NPTN: variants seen among roughly 807,000 people sequenced by gnomAD.
NPTN encodes the protein neuroplastin.
In NPTN, 5 loss-of-function variants were observed where a neutral mutation model predicts 42.7. That is an observed-to-expected ratio of 0.12 (90% CI 0.06 to 0.25). The LOEUF (loss-of-function observed/expected upper bound fraction) is 0.25. NPTN is among the 10% of genes least tolerant of loss of function. NPTN has a pLI of 1.00. For missense variants in NPTN, 307 were observed against 525.4 expected, an observed-to-expected ratio of 0.58 and a Z score of 4.06; for synonymous variants, 180 against 201.9, an observed-to-expected ratio of 0.89 and a Z score of 0.92.
At chr15:73,580,410 AATATATATATAAT>A (rs1465212128) in intron 4 of NPTN, among the ~76,000 whole-genome samples, 2 of 100,770 alleles carry the variant, frequency 2.0e-5, no homozygotes, top group African/African-American at 8.9e-5. Flanking sequence ...TTATATATAT[AATATATATATAAT>A]ATATATATAA....
chr15:73,590,724 T>C (rs1188340926), intron 3 of NPTN, among the ~76,000 whole-genome samples: 3 of 152,070 alleles, frequency 2.0e-5, no homozygotes, highest in Non-Finnish European at 4.4e-5. Context: ...ACTGTACTAC[T>C]GCACTCCAGC....
chr15:73,566,620 T>C (rs866262395), intron 6 of NPTN, among the ~76,000 whole-genome samples: 6 of 152,200 alleles, frequency 3.9e-5, no homozygotes, highest in African/African-American at 1.4e-4. Context: ...GAGCACAGGC[T>C]GACTGCTCCT....
At chr15:73,585,646 T>G (rs1896281628) in intron 4 of NPTN, among the ~76,000 whole-genome samples, 1 of 152,208 alleles carries the variant, frequency 6.6e-6, no homozygotes, top group Admixed American at 6.5e-5. Flanking sequence ...TAGAATTCTT[T>G]TACAAATTTT....
chr15:73,574,011 C>T (rs960048529), intron 4 of NPTN, among the ~76,000 whole-genome samples: 2 of 152,208 alleles, frequency 1.3e-5, no homozygotes, highest in African/African-American at 4.8e-5. Context: ...AGGCAGATAC[C>T]AGGGTTACTA....
intron 1 of NPTN, among the ~76,000 whole-genome samples, chr15:73,616,532 A>G (rs1205797047): frequency 6.6e-6 from 1 of 152,176 alleles, no homozygotes; most frequent in Non-Finnish European, 1.5e-5. Flanking sequence ...CTGTTCACTA[A>G]TGCTCTATCC....
At chr15:73,567,231 T>C in intron 6 of NPTN, 1 of 985,318 alleles carries the variant, frequency 1.0e-6, no homozygotes, top group Non-Finnish European at 1.2e-6. Context: ...TGTGCATTCA[T>C]ATAAAAAAAG....
chr15:73,633,095 C>T, intron 1 of NPTN, 30 bp downstream of exon 1: 2 of 1,398,174 alleles, frequency 1.4e-6, no homozygotes, highest in Non-Finnish European at 1.9e-6. Flanking sequence ...CCTCAACCCC[C>T]GCCCGGCCCG....
At chr15:73,588,314 C>T (rs1423124134) in intron 3 of NPTN, among the ~76,000 whole-genome samples, 1 of 152,180 alleles carries the variant, frequency 6.6e-6, no homozygotes, top group East Asian at 1.9e-4. Flanking sequence ...ACAAAAAGCA[C>T]AAGCTTTCTG....
At chr15:73,618,496 C>A (rs1372124328) in intron 1 of NPTN, among the ~76,000 whole-genome samples, 2 of 151,988 alleles carry the variant, frequency 1.3e-5, no homozygotes, top group Non-Finnish European at 2.9e-5. Flanking sequence ...TATCTAGAAA[C>A]AACTGAAGAT....
Position 73,573,645 on chromosome 15 carries a change from G to A in NPTN, c.840+17C>T. 1 of 1,548,762 alleles carries A rather than the reference G, an allele frequency of 6.5e-7. No homozygotes were observed. The highest frequency in any genetic ancestry group is 8.7e-7 in the Non-Finnish European group (1 of 1,151,572). Reference sequence around the variant, plus strand: ...AAAACTCCAGCAACCAGAGACCCGGGCCTGCCTCCTACTCACCATGGGCAT... The same window carrying A: ...AAAACTCCAGCAACCAGAGACCCGGACCTGCCTCCTACTCACCATGGGCAT... On this transcript the variant is annotated intron_variant, in intron 5 of 8. Transcript: ENST00000345330.
chr15:73,628,511 T>C (rs1355660093), intron 1 of NPTN, among the ~76,000 whole-genome samples: 2 of 152,236 alleles, frequency 1.3e-5, no homozygotes, highest in African/African-American at 4.8e-5. Flanking sequence ...TCTTGTATGG[T>C]ATCCAACATG....
At chr15:73,596,899 A>T (rs1896859391) in intron 2 of NPTN, 123 bp downstream of exon 2, 1 of 829,982 alleles carries the variant, frequency 1.2e-6, no homozygotes, top group Non-Finnish European at 1.9e-6. Flanking sequence ...GATTGAAAAA[A>T]AAACGAAGAC....
intron 1 of NPTN, among the ~76,000 whole-genome samples, chr15:73,619,436 C>G (rs1898023612): frequency 6.6e-6 from 1 of 152,148 alleles, no homozygotes; most frequent in African/African-American, 2.4e-5. Flanking sequence ...ATTTCTAAGT[C>G]AAGCAACAAC....
At chr15:73,595,125 G>C (rs528661118) in intron 2 of NPTN, among the ~76,000 whole-genome samples, 25 of 152,086 alleles carry the variant, frequency 1.6e-4, no homozygotes, top group Non-Finnish European at 3.4e-4. Flanking sequence ...ATGTATTCTC[G>C]GGATTGGTAG....
chr15:73,581,991 C>T (rs187751688), intron 4 of NPTN, among the ~76,000 whole-genome samples: 1 of 152,274 alleles, frequency 6.6e-6, no homozygotes, highest in East Asian at 1.9e-4. Flanking sequence ...TGCACCGCCA[C>T]ACTCGGCTAA....
chr15:73,597,617 G>GA lies in NPTN; in HGVS notation c.92-249_92-248insT, dbSNP rs1388307843. On this transcript the variant is annotated intron_variant, in intron 1 of 8. Coordinates refer to ENST00000345330, the MANE Select transcript of NPTN (RefSeq NM_012428.4). This position sits in a 1 kb window ranked among gnomAD's most constrained non-coding sequence, Gnocchi z 6.3. ...CTAATTACAAGCTGGGGCAGCCCAG[G>GA]TGCTGGCCAGGCAGAAGCAAGCCCA... Among the ~76,000 whole-genome samples the GA allele has an allele frequency of 2.0e-5, 3 of 152,214 alleles. No individual in the cohort carries two copies. The East Asian group carries it at 5.8e-4, about 29-fold the overall frequency.
intron 5 of NPTN, among the ~76,000 whole-genome samples, chr15:73,573,272 T>C (rs558312624): frequency 3.9e-5 from 6 of 152,302 alleles, no homozygotes; most frequent in East Asian, 1.9e-4. Context: ...TTGTCTAAGA[T>C]AGGAAAGATC....
In NPTN at chr15:73,568,656, G is replaced by A. The variant is rs1895182307; in HGVS notation, c.1114+1494C>T. The A allele has an allele frequency of 1.4e-5, 14 of 985,466 alleles. No individual in the cohort carries two copies. The South Asian group carries it at 5.6e-4, about 40-fold the overall frequency. The allele number at this position is 985,466 out of a possible 1,614,324, so 61.0% of individuals were successfully genotyped here. A position where few individuals can be genotyped will look rare whatever the true frequency, so the allele number is the denominator to read the frequency against. On this transcript the variant is annotated intron_variant, in intron 6 of 8. Transcript: ENST00000345330. ...AAAGCAGGTTCACTTCATAAAGTAGGAAAGTAAAACTCATGGGGACACTCC... is the reference window on the plus strand; with the variant it reads ...AAAGCAGGTTCACTTCATAAAGTAGAAAAGTAAAACTCATGGGGACACTCC...
At chr15:73,616,461 G>A (rs960623517) in intron 1 of NPTN, among the ~76,000 whole-genome samples, 3 of 151,964 alleles carry the variant, frequency 2.0e-5, no homozygotes, top group Non-Finnish European at 2.9e-5. Context: ...GATATACCAC[G>A]GGCCAAAGAG....
Sources: allele counts gnomAD v4.1 joint callset (sites outside exome capture counted in the v4.1 genomes callset), GRCh38; gene constraint gnomAD v4.1.1; non-coding constraint Gnocchi (gnomAD v3.1); transcripts MANE v1.5; gene names NCBI Gene and HGNC (gene_info 2026-07-23, HGNC 2026-07-21).